BAZ2B: variants seen among roughly 807,000 people sequenced by gnomAD.
BAZ2B encodes the protein bromodomain adjacent to zinc finger domain protein 2B.
A neutral mutation model predicts 246.0 loss-of-function variants in BAZ2B; 91 were observed. That is an observed-to-expected ratio of 0.37 (90% confidence interval 0.31 to 0.44). The LOEUF (loss-of-function observed/expected upper bound fraction) is 0.44. Ranked by LOEUF, BAZ2B falls within the 20% of genes least tolerant of loss-of-function variation. The probability of loss-of-function intolerance (pLI) is 1.00; values close to 1 mark genes in which losing one functional copy is unlikely to be tolerated. For missense variants in BAZ2B, 2,332 were observed against 2,533.7 expected, an observed-to-expected ratio of 0.92 and a Z score of 1.71; for synonymous variants, 855 against 860.0, an observed-to-expected ratio of 0.99 and a Z score of 0.10.
At chr2:159,696,288 T>C in the BAZ2B span, among the ~76,000 whole-genome samples, 1 of 152,206 alleles carries the variant, frequency 6.6e-6, no homozygotes, top group African/African-American at 2.4e-5. Flanking sequence ...TACTAAAGTA[T>C]GGTTTCTTTA....
At chr2:159,648,378 T>TC in the BAZ2B span, among the ~76,000 whole-genome samples, 6 of 152,124 alleles carry the variant, frequency 3.9e-5, no homozygotes, top group African/African-American at 1.4e-4. Context: ...CCTCAACTAA[T>TC]CCACCTGCCT....
intron 2 of BAZ2B, among the ~76,000 whole-genome samples, chr2:159,499,708 G>C (rs1288853741): frequency 6.6e-6 from 1 of 152,052 alleles, no homozygotes; most frequent in Non-Finnish European, 1.5e-5. Context: ...TTTAATAATA[G>C]CCATTCTGAT....
At chr2:159,604,346 G>A (rs1379984813) in intron 1 of BAZ2B, among the ~76,000 whole-genome samples, 4 of 151,940 alleles carry the variant, frequency 2.6e-5, no homozygotes, top group African/African-American at 4.8e-5. Context: ...GGCCTCCAGC[G>A]ATGTTCCCAC....
At chr2:159,502,431 C>A (rs191679988) in intron 2 of BAZ2B, among the ~76,000 whole-genome samples, 1 of 150,736 alleles carries the variant, frequency 6.6e-6, no homozygotes, top group African/African-American at 2.4e-5. Flanking sequence ...TCAAGACCAG[C>A]CTGGGCAACA....
At chr2:159,449,796 T>C in intron 4 of BAZ2B, among the ~76,000 whole-genome samples, 1 of 152,194 alleles carries the variant, frequency 6.6e-6, no homozygotes, top group East Asian at 1.9e-4. Context: ...AAAAAGTATG[T>C]GTTTTGGGCT....
chr2:159,484,989 T>G (rs1428668515), intron 2 of BAZ2B, among the ~76,000 whole-genome samples: 1 of 152,162 alleles, frequency 6.6e-6, no homozygotes, highest in Non-Finnish European at 1.5e-5. Context: ...ACACAGCAGA[T>G]TCAGTGAGTC....
rs1169839636 is a variant in BAZ2B, at chr2:159,364,671, T to A, written c.4213+8374A>T. Among the ~76,000 whole-genome samples, 5 of 152,128 alleles carry A rather than the reference T, an allele frequency of 3.3e-5. No homozygotes were observed. The East Asian group carries it at 9.6e-4, about 29-fold the overall frequency. Reference sequence around the variant, plus strand: ...AGGTATAAGCCACCATGCCTAGCCCTTAGTTAGACATTTTTTGTGACTTCT... The same window carrying A: ...AGGTATAAGCCACCATGCCTAGCCCATAGTTAGACATTTTTTGTGACTTCT... On this transcript the variant is annotated intron_variant, in intron 27 of 36. Transcript: ENST00000392783.
At chr2:159,462,942 G>A (rs2076592609) in intron 3 of BAZ2B, 1 of 1,254,666 alleles carries the variant, frequency 8.0e-7, no homozygotes, top group African/African-American at 1.5e-5. Context: ...GGGGTCACTT[G>A]CTTTTTTCTA....
chr2:159,704,135 A>C, the BAZ2B span, among the ~76,000 whole-genome samples: 2 of 152,208 alleles, frequency 1.3e-5, no homozygotes, highest in African/African-American at 2.4e-5. Context: ...ATGGTAAGAA[A>C]CTTAGAATGG....
At chr2:159,685,140 T>C in the BAZ2B span, among the ~76,000 whole-genome samples, 1 of 152,238 alleles carries the variant, frequency 6.6e-6, no homozygotes, top group Non-Finnish European at 1.5e-5. Context: ...TAGGTCTCTA[T>C]GCTTTTCATA....
At chr2:159,493,470 C>A (rs1221580599) in intron 2 of BAZ2B, among the ~76,000 whole-genome samples, 3 of 152,158 alleles carry the variant, frequency 2.0e-5, no homozygotes, top group Non-Finnish European at 4.4e-5. Flanking sequence ...AGCTTTAGGG[C>A]AGATACTACC....
the BAZ2B span, among the ~76,000 whole-genome samples, chr2:159,636,140 G>C: frequency 6.6e-6 from 1 of 152,138 alleles, no homozygotes; most frequent in Non-Finnish European, 1.5e-5. Flanking sequence ...TACACTGCTC[G>C]ACCCCCAAAT....
At chr2:159,573,408 T>A (rs1684488051) in intron 1 of BAZ2B, among the ~76,000 whole-genome samples, 1 of 152,136 alleles carries the variant, frequency 6.6e-6, no homozygotes, top group South Asian at 2.1e-4. Context: ...AACAATTCAA[T>A]GGGGAAAGAA....
chr2:159,413,769 C>A (rs373246020), intron 13 of BAZ2B, among the ~76,000 whole-genome samples: 279 of 152,086 alleles, frequency 1.8e-3, no homozygotes, highest in African/African-American at 6.5e-3. Flanking sequence ...AAAGAGACAA[C>A]TGAAAATCTG....
At chr2:159,434,001 G>C (rs1054101758) in intron 8 of BAZ2B, 1 of 152,210 alleles carries the variant, frequency 6.6e-6, no homozygotes, top group African/African-American at 2.4e-5. Flanking sequence ...GTAAACTGTA[G>C]AGTATCAGTT....
At chr2:159,617,712 T>G (rs893035497), upstream of BAZ2B, among the ~76,000 whole-genome samples, 2 of 152,162 alleles carry the variant, frequency 1.3e-5, no homozygotes, top group Non-Finnish European at 2.9e-5. Context: ...TGATTTTAAT[T>G]GTGCTGGAGG....
chr2:159,491,704 G>A (rs2080499812), intron 2 of BAZ2B, among the ~76,000 whole-genome samples: 1 of 67,170 alleles, frequency 1.5e-5, no homozygotes, highest in South Asian at 7.0e-4. Context: ...CCGGGCGACA[G>A]AGCGAGACTC....
intron 2 of BAZ2B, among the ~76,000 whole-genome samples, chr2:159,520,019 T>G (rs1402559859): frequency 1.3e-5 from 2 of 152,108 alleles, no homozygotes; most frequent in East Asian, 3.9e-4. Context: ...TTGCATACTT[T>G]TAGAACATTT....
intron 2 of BAZ2B, among the ~76,000 whole-genome samples, chr2:159,553,392 CAAAAAA>C (rs35253250): frequency 4.1e-5 from 3 of 73,822 alleles, no homozygotes; most frequent in African/African-American, 5.4e-5. Context: ...GACTCTGTCT[CAAAAAA>C]AAAAAAAAAA....
Sources: allele counts gnomAD v4.1 joint callset (sites outside exome capture counted in the v4.1 genomes callset), GRCh38; gene constraint gnomAD v4.1.1; transcripts MANE v1.5; gene names NCBI Gene and HGNC (gene_info 2026-07-23, HGNC 2026-07-21).